Variants in NR1H4 observed in about 807,000 individuals in gnomAD.
NR1H4 encodes bile acid receptor.
Under a neutral mutation model 58.5 loss-of-function variants are expected in NR1H4, and 23 were observed. That is an observed-to-expected ratio of 0.39 (90% CI 0.28 to 0.56). The LOEUF is 0.56. Among genes scored for constraint, NR1H4 ranks in the 20% least tolerant of loss-of-function variants. NR1H4 has a pLI of 0.58. For synonymous variants in NR1H4, 214 were observed against 198.0 expected (o/e 1.08, Z -0.68); for missense variants, 487 against 576.9 (o/e 0.84, Z 1.60).
chr12:100,487,179 G>A (rs1392474691), intron 1 of NR1H4, among the ~76,000 whole-genome samples: 2 of 152,162 alleles, frequency 1.3e-5, no homozygotes, highest in East Asian at 3.9e-4. Context: ...GTGAGAGTGG[G>A]TGATGCTAAT....
chr12:100,481,989 C>T (rs1490506046), intron 1 of NR1H4, among the ~76,000 whole-genome samples: 1 of 152,012 alleles, frequency 6.6e-6, no homozygotes, highest in Non-Finnish European at 1.5e-5. Context: ...GTAGTCCCAG[C>T]TACTTGGGAG....
chr12:100,547,769 G>A (rs1332384168), intron 9 of NR1H4, among the ~76,000 whole-genome samples: 1 of 151,544 alleles, frequency 6.6e-6, no homozygotes, highest in Admixed American at 6.6e-5. Flanking sequence ...GCCCAGGCTG[G>A]AGTGCAGTGA....
At position 100,515,574 on chromosome 12, in the gene NR1H4, T is replaced by C. The variant is rs1345346618; in HGVS notation, c.445+4431T>C. On this transcript the variant is annotated intron_variant, in intron 4 of 10. Transcript: ENST00000392986. ...TATCAGTATAAGATGATCATAGATA[T>C]GATCCAGAGAATGCTATTATTAGTT... is the stretch of plus-strand genomic sequence containing the variant. Among the ~76,000 whole-genome samples the C allele has an allele frequency of 4.6e-5, 7 of 152,262 alleles. No homozygotes were observed. In the South Asian group the frequency reaches 1.5e-3, roughly 32 times the overall value.
At chr12:100,548,559 A>G (rs1312818090) in intron 9 of NR1H4, among the ~76,000 whole-genome samples, 1 of 152,038 alleles carries the variant, frequency 6.6e-6, no homozygotes, top group African/African-American at 2.4e-5. Flanking sequence ...TTAGCTTCGA[A>G]TCTTATCATT....
intron 9 of NR1H4, among the ~76,000 whole-genome samples, chr12:100,552,638 T>C (rs1233736504): frequency 6.6e-6 from 1 of 152,178 alleles, no homozygotes; most frequent in Non-Finnish European, 1.5e-5. Flanking sequence ...ATAAGAAATA[T>C]CTGGCCAGTC....
chr12:100,475,831 G>A lies in NR1H4; in HGVS notation c.-190+1772G>A, dbSNP rs559002083. Reference sequence around the variant, plus strand: ...GCTCACTGCAGCCTCCACCTCCCGGGTTCAAGCGATTCTCCTGCCTCAGCC... The same window carrying A: ...GCTCACTGCAGCCTCCACCTCCCGGATTCAAGCGATTCTCCTGCCTCAGCC... On this transcript the variant is annotated intron_variant, in intron 1 of 10. Coordinates refer to ENST00000392986, the MANE Select transcript of NR1H4 (RefSeq NM_001206979.2). 7.2e-5 allele frequency among the ~76,000 whole-genome samples: 11 copies of A among 152,226 alleles called. 1 individual carries two copies. The highest frequency in any genetic ancestry group is 2.6e-4 in the African/African-American group (11 of 41,536).
At chr12:100,475,484 A>G (rs907008023) in intron 1 of NR1H4, among the ~76,000 whole-genome samples, 20 of 152,130 alleles carry the variant, frequency 1.3e-4, no homozygotes, top group Non-Finnish European at 2.6e-4. Flanking sequence ...CTCTCCTCAC[A>G]GCTGGAGAGG....
intron 4 of NR1H4, among the ~76,000 whole-genome samples, chr12:100,524,561 G>A (rs61941827): frequency 3.3e-5 from 5 of 152,118 alleles, no homozygotes; most frequent in African/African-American, 4.8e-5. Flanking sequence ...AAACCCAGTA[G>A]GTCTGATGGT....
At chr12:100,530,874 C>T (rs1376751159) in intron 4 of NR1H4, among the ~76,000 whole-genome samples, 1 of 152,144 alleles carries the variant, frequency 6.6e-6, no homozygotes. Context: ...TGACATGTAT[C>T]CCCTGAAGCT....
intron 9 of NR1H4, among the ~76,000 whole-genome samples, chr12:100,546,531 T>TA (rs1245883527): frequency 6.6e-6 from 1 of 151,858 alleles, no homozygotes; most frequent in African/African-American, 2.4e-5. Context: ...TTGTCTCTAT[T>TA]AAAAATATAA....
At chr12:100,563,203 G>A (rs1459298222) in intron 10 of NR1H4, 48 bp from the exon 11 acceptor site, 2 of 1,398,640 alleles carry the variant, frequency 1.4e-6, no homozygotes, top group Admixed American at 3.4e-5. Flanking sequence ...CTGAATTAAT[G>A]CTTTTCCACT....
intron 3 of NR1H4, among the ~76,000 whole-genome samples, chr12:100,502,446 G>A (rs542915154): frequency 3.1e-4 from 47 of 152,236 alleles, no homozygotes; most frequent in Middle Eastern, 6.8e-3. Flanking sequence ...GGCCATCTCC[G>A]TCTCCTCTCT....
At chr12:100,496,011 C>T (rs1259527679) in intron 3 of NR1H4, among the ~76,000 whole-genome samples, 1 of 152,126 alleles carries the variant, frequency 6.6e-6, no homozygotes, top group Non-Finnish European at 1.5e-5. Flanking sequence ...AAGCTGGACT[C>T]TTTTCCAGTG....
chr12:100,511,876 C>T (rs1422413121), intron 4 of NR1H4, among the ~76,000 whole-genome samples: 3 of 151,524 alleles, frequency 2.0e-5, no homozygotes, highest in East Asian at 1.9e-4. Context: ...GAGCCAAGAT[C>T]GCACCATTGC....
chr12:100,518,795 T>A (rs1037393284), intron 4 of NR1H4, among the ~76,000 whole-genome samples: 2 of 147,706 alleles, frequency 1.4e-5, no homozygotes, highest in African/African-American at 5.0e-5. Flanking sequence ...TGACTTTTTT[T>A]TTTTTTTTTT....
At chr12:100,535,497 C>A (rs1346801214) in intron 6 of NR1H4, among the ~76,000 whole-genome samples, 2 of 152,152 alleles carry the variant, frequency 1.3e-5, no homozygotes, top group Non-Finnish European at 2.9e-5. Context: ...ATCCATTGAG[C>A]AACTTAGGAC....
chr12:100,528,790 CAAAA>C (rs1297760924), intron 4 of NR1H4, among the ~76,000 whole-genome samples: 1 of 152,164 alleles, frequency 6.6e-6, no homozygotes, highest in South Asian at 2.1e-4. Flanking sequence ...ATACCAGAGT[CAAAA>C]AACCCTGCAG....
At chr12:100,525,764 C>A (rs1222444260) in intron 4 of NR1H4, among the ~76,000 whole-genome samples, 1 of 152,084 alleles carries the variant, frequency 6.6e-6, no homozygotes, top group Non-Finnish European at 1.5e-5. Context: ...CCATCTGGGC[C>A]TGTTGCTTTC....
At chr12:100,539,029 G>A (rs1249818942) in intron 8 of NR1H4, among the ~76,000 whole-genome samples, 3 of 152,146 alleles carry the variant, frequency 2.0e-5, no homozygotes, top group African/African-American at 7.2e-5. Flanking sequence ...AGTTCAAATG[G>A]TCAGTTGGTT....
Sources: allele counts gnomAD v4.1 joint callset (sites outside exome capture counted in the v4.1 genomes callset), GRCh38; gene constraint gnomAD v4.1.1; transcripts MANE v1.5; gene names NCBI Gene and HGNC (gene_info 2026-07-23, HGNC 2026-07-21).